ITPR1: variants seen among roughly 807,000 people sequenced by gnomAD.
The protein encoded by ITPR1 is inositol 1,4,5-trisphosphate receptor type 1.
ITPR1 carries 96 observed loss-of-function variants against 318.4 expected under a neutral mutation model. That is an observed-to-expected ratio of 0.30 (90% CI 0.26 to 0.36). ITPR1 has a LOEUF of 0.36. Ranked by LOEUF, ITPR1 falls within the 10% of genes least tolerant of loss-of-function variation. The pLI is 1.00. For synonymous variants in ITPR1, 1,312 were observed against 1,289.9 expected, an observed-to-expected ratio of 1.02 and a Z score of -0.37; for missense variants, 2,440 against 3,460.2, an observed-to-expected ratio of 0.71 and a Z score of 7.40.
chr3:4,729,671 C>T (rs2042764941), intron 42 of ITPR1, among the ~76,000 whole-genome samples: 1 of 152,116 alleles, frequency 6.6e-6, no homozygotes, highest in South Asian at 2.1e-4. Flanking sequence ...GTAGAGTGAC[C>T]AGGTAGGAGC....
chr3:4,546,587 C>G (rs999076803), intron 4 of ITPR1, among the ~76,000 whole-genome samples: 1 of 152,156 alleles, frequency 6.6e-6, no homozygotes, highest in Non-Finnish European at 1.5e-5. Flanking sequence ...GCTCTGCCTT[C>G]AGCCACAGAA....
Position 4,806,129 on chromosome 3 carries a change from G to A in ITPR1, c.7134G>A (p.Met2378Ile), listed in dbSNP as rs749560724. The change falls in exon 55 of 62, where the codon ATG becomes ATA. Residue 2378 changes from methionine to isoleucine, a missense_variant. Around this residue, in one of 23 missense-constraint regions of ITPR1, gnomAD observed 126 missense variants for 150.8 expected, o/e 0.84. Coordinates refer to ENST00000649015, the MANE Select transcript of ITPR1 (RefSeq NM_001378452.1). ...FNVCNKIIFL[M>I]SFVGNCGTFT... ...TATGCAATAAAATCATCTTTCTAAT[G>A]AGCTTTGTGGGCAACTGTGGGACAT... 1.2e-6 allele frequency: 2 copies of A among 1,613,886 alleles called. No homozygotes were observed. The highest frequency in any genetic ancestry group is 1.7e-6 in the Non-Finnish European group (2 of 1,179,814).
intron 44 of ITPR1, among the ~76,000 whole-genome samples, chr3:4,759,390 G>A (rs112452942): frequency 0.016 from 2,511 of 152,316 alleles, 41 homozygotes; most frequent in South Asian, 0.061. Flanking sequence ...CTGTCTACTT[G>A]ACAATTATCA....
At chr3:4,704,619 C>G (rs2094720702) in intron 36 of ITPR1, among the ~76,000 whole-genome samples, 1 of 152,038 alleles carries the variant, frequency 6.6e-6, no homozygotes. Flanking sequence ...GAAGCCCTTG[C>G]CACAGAGGTT....
intron 4 of ITPR1, among the ~76,000 whole-genome samples, chr3:4,598,893 G>A (rs954559678): frequency 1.4e-4 from 21 of 152,032 alleles, no homozygotes; most frequent in Admixed American, 5.2e-4. Flanking sequence ...TGGGTGTCCC[G>A]GTACCTCTCA....
chr3:4,840,716 G>C (rs973081797), intron 61 of ITPR1, among the ~76,000 whole-genome samples: 1 of 152,102 alleles, frequency 6.6e-6, no homozygotes, highest in Admixed American at 6.5e-5. Context: ...ATTATTTAAC[G>C]ATGCCTCTCA....
chr3:4,814,966 T>C lies in ITPR1; in HGVS notation c.7702-87T>C, dbSNP rs2304820. Reference sequence around the variant, plus strand: ...CCAATTTAATTTCTACCCAAGTAGATGAGGTCTCACTTGAGCTGTGCCCCA... The same window carrying C: ...CCAATTTAATTTCTACCCAAGTAGACGAGGTCTCACTTGAGCTGTGCCCCA... On this transcript the variant is annotated intron_variant, in intron 58 of 61. Transcript: ENST00000649015. The C allele has an allele frequency of 0.21, 226,741 of 1,061,756 alleles. 25,404 individuals carry two copies. The highest frequency in any genetic ancestry group is 0.29 in the Admixed American group (12,157 of 42,452). The allele number at this position is 1,061,756 out of a possible 1,614,324, so 65.8% of individuals were successfully genotyped here.
chr3:4,639,285 T>A (rs1407551780), intron 5 of ITPR1, 99 bp from the exon 6 acceptor site: 1 of 879,280 alleles, frequency 1.1e-6, no homozygotes, highest in Non-Finnish European at 1.8e-6. Flanking sequence ...CGTATTTCGG[T>A]GGTTCTTGTA....
intron 4 of ITPR1, among the ~76,000 whole-genome samples, chr3:4,611,506 G>A (rs1559534572): frequency 6.6e-6 from 1 of 151,910 alleles, no homozygotes; most frequent in Non-Finnish European, 1.5e-5. Flanking sequence ...GTTGCAGTGA[G>A]CCGAGATCAC....
intron 5 of ITPR1, among the ~76,000 whole-genome samples, chr3:4,630,457 T>C (rs896954448): frequency 2.0e-5 from 3 of 152,002 alleles, no homozygotes; most frequent in Admixed American, 6.6e-5. Context: ...TTAGGCCAGC[T>C]CTTGTGGACT....
At chr3:4,567,622 T>C (rs1490644975) in intron 4 of ITPR1, among the ~76,000 whole-genome samples, 4 of 151,740 alleles carry the variant, frequency 2.6e-5, no homozygotes, top group Non-Finnish European at 5.9e-5. Context: ...GGTTTCTTTT[T>C]TGAGACGGGG....
At chr3:4,752,949 C>A (rs1170299175) in intron 44 of ITPR1, among the ~76,000 whole-genome samples, 1 of 152,210 alleles carries the variant, frequency 6.6e-6, no homozygotes, top group Non-Finnish European at 1.5e-5. Context: ...ATCAGCTCAT[C>A]ATCAGCTAAA....
intron 2 of ITPR1, among the ~76,000 whole-genome samples, chr3:4,515,473 C>T (rs950665226): frequency 6.6e-6 from 1 of 152,136 alleles, no homozygotes; most frequent in Non-Finnish European, 1.5e-5. Context: ...CTGGGCATCT[C>T]CACAGCAGAT....
At chr3:4,712,045 G>C (rs2041411488) in intron 39 of ITPR1, among the ~76,000 whole-genome samples, 177 bp downstream of exon 39, 1 of 152,196 alleles carries the variant, frequency 6.6e-6, no homozygotes, top group Admixed American at 6.5e-5. Context: ...TAAATCATAT[G>C]ACTGTCTTTT....
intron 61 of ITPR1, among the ~76,000 whole-genome samples, chr3:4,843,902 T>C (rs140021378): frequency 3.3e-5 from 5 of 152,188 alleles, no homozygotes; most frequent in African/African-American, 1.2e-4. Flanking sequence ...AAAGACTAAC[T>C]GACAAATTGA....
intron 4 of ITPR1, among the ~76,000 whole-genome samples, chr3:4,555,882 T>C (rs1183127060): frequency 1.3e-5 from 2 of 152,208 alleles, no homozygotes; most frequent in African/African-American, 4.8e-5. Flanking sequence ...ATGAAGAAAC[T>C]GAGGCAGGAA....
intron 2 of ITPR1, among the ~76,000 whole-genome samples, chr3:4,501,033 ATT>A (rs34728121): frequency 6.6e-6 from 1 of 150,934 alleles, no homozygotes; most frequent in Non-Finnish European, 1.5e-5. Context: ...TAAAAAAAAA[ATT>A]TTTTTTTGTA....
chr3:4,626,681 G>A (rs1384288712), intron 4 of ITPR1, among the ~76,000 whole-genome samples: 2 of 152,190 alleles, frequency 1.3e-5, no homozygotes, highest in Non-Finnish European at 2.9e-5. Flanking sequence ...ACATCGCAGT[G>A]CACTGAGAGT....
At chr3:4,594,292 G>A (rs1179114946) in intron 4 of ITPR1, among the ~76,000 whole-genome samples, 1 of 152,150 alleles carries the variant, frequency 6.6e-6, no homozygotes, top group African/African-American at 2.4e-5. Context: ...ATCCTCCTTA[G>A]AACTTTGCCT....
Sources: gnomAD v4.1 joint callset for allele counts (sites outside exome capture counted in the v4.1 genomes callset) on GRCh38, gnomAD v4.1.1 for gene constraint, gnomAD v4.1.1 regional missense constraint, MANE v1.5 for transcripts, NCBI Gene and HGNC (gene_info 2026-07-23, HGNC 2026-07-21) for gene names.